The following CNTNAP2 variants were observed in gnomAD, a reference collection of about 807,000 sequenced individuals.
CNTNAP2 encodes contactin associated protein 2, also known as contactin-associated protein-like 2.
CNTNAP2 carries 98 observed loss-of-function variants against 155.2 expected under a neutral mutation model. The ratio of observed to expected loss-of-function variants is 0.63; its 90% CI spans 0.54 to 0.75. CNTNAP2 has a LOEUF of 0.75. Ranked by LOEUF, CNTNAP2 falls within the 30% of genes least tolerant of loss-of-function variation. The pLI is 0.00. For synonymous variants in CNTNAP2, 651 were observed against 631.2 expected (o/e 1.03, Z -0.47); for missense variants, 1,727 against 1,688.1 (o/e 1.02, Z -0.40).
chr7:147,799,123 C>T (rs1330286694), intron 13 of CNTNAP2, among the ~76,000 whole-genome samples: 1 of 152,148 alleles, frequency 6.6e-6, no homozygotes, highest in Non-Finnish European at 1.5e-5. Context: ...TAAGAGAATT[C>T]TGCCCTTATC....
At chr7:146,228,132 G>T (rs1466953047) in intron 1 of CNTNAP2, among the ~76,000 whole-genome samples, 1 of 152,188 alleles carries the variant, frequency 6.6e-6, no homozygotes, top group Non-Finnish European at 1.5e-5. Flanking sequence ...TTGAGAGAGA[G>T]AATTCAAAGC....
intron 1 of CNTNAP2, among the ~76,000 whole-genome samples, chr7:146,257,188 T>C (rs1799852495): frequency 6.6e-6 from 1 of 152,186 alleles, no homozygotes; most frequent in Admixed American, 6.5e-5. Context: ...GAGTGAAGTC[T>C]ACCTAATTTC....
chr7:148,129,458 G>A (rs943014779), intron 16 of CNTNAP2, among the ~76,000 whole-genome samples: 16 of 152,114 alleles, frequency 1.1e-4, no homozygotes, highest in Admixed American at 2.6e-4. Context: ...TTTCTGGGTG[G>A]TAGAAATAGT....
intron 14 of CNTNAP2, among the ~76,000 whole-genome samples, chr7:147,928,813 G>T (rs184907648): frequency 6.6e-6 from 1 of 151,882 alleles, no homozygotes; most frequent in African/African-American, 2.4e-5. Flanking sequence ...TAAATCGGCC[G>T]GGTGCGGTGG....
At chr7:148,243,487 C>T (rs1441851788) in intron 20 of CNTNAP2, among the ~76,000 whole-genome samples, 1 of 152,142 alleles carries the variant, frequency 6.6e-6, no homozygotes, top group Non-Finnish European at 1.5e-5. Flanking sequence ...AGTCACGGTT[C>T]CACATGGCTG....
At chr7:147,251,869 A>G (rs1256763935) in intron 8 of CNTNAP2, among the ~76,000 whole-genome samples, 1 of 152,208 alleles carries the variant, frequency 6.6e-6, no homozygotes, top group Non-Finnish European at 1.5e-5. Context: ...TGTAGCTGGA[A>G]AGATGCAGAT....
At chr7:147,765,264 TGAGAGAGTG>T (rs1797366053) in intron 13 of CNTNAP2, among the ~76,000 whole-genome samples, 1 of 152,162 alleles carries the variant, frequency 6.6e-6, no homozygotes, top group African/African-American at 2.4e-5. Context: ...ATAAGCTCCA[TGAGAGAGTG>T]GAGAGAGTGC....
intron 21 of CNTNAP2, among the ~76,000 whole-genome samples, chr7:148,382,615 T>A (rs1799091832): frequency 6.6e-6 from 1 of 152,192 alleles, no homozygotes; most frequent in Admixed American, 6.5e-5. Context: ...CAAGGCACTT[T>A]ATCCATGTCC....
chr7:147,814,726 CAGA>C (rs1478213706), intron 13 of CNTNAP2, among the ~76,000 whole-genome samples: 2 of 152,094 alleles, frequency 1.3e-5, no homozygotes, highest in African/African-American at 4.8e-5. Flanking sequence ...AGAGGTATTT[CAGA>C]AGATCACTGC....
At chr7:148,226,060 A>T (rs1163184988) in intron 19 of CNTNAP2, among the ~76,000 whole-genome samples, 1 of 152,308 alleles carries the variant, frequency 6.6e-6, no homozygotes, top group East Asian at 1.9e-4. Context: ...TGTGCTGAAA[A>T]GTTATTTAAC....
chr7:146,353,334 A>G (rs932349727), intron 1 of CNTNAP2, among the ~76,000 whole-genome samples: 22 of 152,132 alleles, frequency 1.4e-4, no homozygotes, highest in African/African-American at 4.8e-4. Flanking sequence ...TTGGCTTCAG[A>G]CATTACTTGA....
rs763570790 is a variant in CNTNAP2 at position 146,222,573 on chromosome 7, T to TGC, written c.97+105601_97+105602insCG. Among the ~76,000 whole-genome samples, 512 of 138,704 alleles carry TGC rather than the reference T, an allele frequency of 3.7e-3. 3 individuals are homozygous for TGC. The highest frequency in any genetic ancestry group is 0.012 in the Admixed American group (154 of 13,386). The allele number at this position is 138,704 out of a possible 152,430, so 91.0% of individuals were successfully genotyped here. On this transcript the variant is annotated intron_variant, in intron 1 of 23. Coordinates refer to ENST00000361727, the MANE Select transcript of CNTNAP2 (RefSeq NM_014141.6). ...GTGTGTGTGTGTGTGTGTGTGTGTG[T>TGC]GTGCGTGCACATGTATGTAGGTATA... is the stretch of plus-strand genomic sequence containing the variant.
chr7:147,082,355 G>A (rs1800152259), intron 4 of CNTNAP2, among the ~76,000 whole-genome samples: 1 of 152,074 alleles, frequency 6.6e-6, no homozygotes, highest in African/African-American at 2.4e-5. Context: ...TTGTTTATAA[G>A]GGCTTACTTG....
Position 147,066,624 on chromosome 7 carries a change from T to A in CNTNAP2, c.550+22570T>A, listed in dbSNP as rs73467094. On this transcript the variant is annotated intron_variant, in intron 4 of 23. Transcript: ENST00000361727. ...AAGTGTTCACACAGACTCTAACGAG[T>A]TTTTCTTACTGAGAAAGGGTGCACA... Among the ~76,000 whole-genome samples the A allele has an allele frequency of 6.7e-3, 1,023 of 152,154 alleles. 12 individuals are homozygous for A. The highest frequency in any genetic ancestry group is 0.023 in the African/African-American group (960 of 41,518).
intron 12 of CNTNAP2, among the ~76,000 whole-genome samples, chr7:147,628,959 T>C (rs938048691): frequency 2.0e-5 from 3 of 151,034 alleles, no homozygotes; most frequent in Admixed American, 6.6e-5. Context: ...TAAATATATA[T>C]GCACCTAACA....
chr7:147,193,449 G>T (rs1249918541), intron 8 of CNTNAP2, among the ~76,000 whole-genome samples: 1 of 152,188 alleles, frequency 6.6e-6, no homozygotes, highest in Non-Finnish European at 1.5e-5. Flanking sequence ...GGGTGCACTA[G>T]GCTAAGCCCT....
At chr7:146,736,176 T>A (rs1221164013) in intron 1 of CNTNAP2, among the ~76,000 whole-genome samples, 4 of 152,256 alleles carry the variant, frequency 2.6e-5, no homozygotes, top group African/African-American at 7.2e-5. Flanking sequence ...GTGGATAGGT[T>A]ATATGCAAAC....
chr7:148,078,803 T>G (rs1803544229), intron 15 of CNTNAP2, among the ~76,000 whole-genome samples: 1 of 152,196 alleles, frequency 6.6e-6, no homozygotes, highest in Admixed American at 6.6e-5. Flanking sequence ...TTTGACATTT[T>G]TAACTTGATT....
In CNTNAP2 at chr7:148,238,111, G is replaced by A. The variant is rs763212094; in HGVS notation, c.3381+8332G>A. Among the ~76,000 whole-genome samples, 12 of 152,316 alleles carry A rather than the reference G, an allele frequency of 7.9e-5. No homozygotes were observed. The South Asian group carries it at 1.7e-3, about 21-fold the overall frequency. ...CACGCCTGTAATCCCAGCACTTCGG[G>A]AGGCCGAGGCGGGTGGATCATGATG... On this transcript the variant is annotated intron_variant, in intron 20 of 23. Coordinates refer to ENST00000361727, the MANE Select transcript of CNTNAP2 (RefSeq NM_014141.6).
Sources: allele counts gnomAD v4.1 joint callset (sites outside exome capture counted in the v4.1 genomes callset), GRCh38; gene constraint gnomAD v4.1.1; transcripts MANE v1.5; gene names NCBI Gene and HGNC (gene_info 2026-07-23, HGNC 2026-07-21).